TACR1: variants seen among roughly 807,000 people sequenced by gnomAD.
TACR1 encodes tachykinin receptor 1.
Under a neutral mutation model 35.8 loss-of-function variants are expected in TACR1, and 25 were observed. That is an observed-to-expected ratio of 0.70 (90% CI 0.51 to 0.98). The LOEUF (loss-of-function observed/expected upper bound fraction) is 0.98. Among genes scored for constraint, TACR1 ranks in the 50% least tolerant of loss-of-function variants. The pLI is 0.00. For missense variants in TACR1, 478 were observed against 522.9 expected, an observed-to-expected ratio of 0.91 and a Z score of 0.84; for synonymous variants, 195 against 206.7, an observed-to-expected ratio of 0.94 and a Z score of 0.48.
intron 2 of TACR1, among the ~76,000 whole-genome samples, chr2:75,055,368 T>A (rs895448195): frequency 4.1e-4 from 63 of 152,374 alleles, no homozygotes; most frequent in African/African-American, 1.5e-3. Flanking sequence ...GACAGGCTGC[T>A]CCAGTCTCAC....
At chr2:75,095,784 T>C (rs994377233) in intron 2 of TACR1, among the ~76,000 whole-genome samples, 14 of 152,070 alleles carry the variant, frequency 9.2e-5, no homozygotes, top group African/African-American at 3.1e-4. Flanking sequence ...TCACTTCCAG[T>C]CAAGTCCCCT....
intron 1 of TACR1, among the ~76,000 whole-genome samples, chr2:75,181,954 G>A (rs1675570027): frequency 2.0e-5 from 3 of 152,234 alleles, no homozygotes; most frequent in South Asian, 2.1e-4. Flanking sequence ...AAGAACTAGC[G>A]GTTTCATTGC....
intron 2 of TACR1, among the ~76,000 whole-genome samples, chr2:75,061,669 G>A (rs767011890): frequency 1.3e-5 from 2 of 152,140 alleles, no homozygotes; most frequent in African/African-American, 2.4e-5. Flanking sequence ...TCCCAGAGTC[G>A]CCCTGTATCG....
chr2:75,098,971 G>A (rs1673478531), intron 2 of TACR1, among the ~76,000 whole-genome samples: 1 of 151,310 alleles, frequency 6.6e-6, no homozygotes, highest in African/African-American at 2.4e-5. Flanking sequence ...AGCAGGTGGA[G>A]TGAGGGTTCT....
chr2:75,134,028 T>A (rs1674229430), intron 1 of TACR1, among the ~76,000 whole-genome samples: 1 of 152,184 alleles, frequency 6.6e-6, no homozygotes, highest in Non-Finnish European at 1.5e-5. Context: ...TATGACAGTT[T>A]ACAAATGCCA....
At chr2:75,049,918 GA>G (rs561853770) in intron 4 of TACR1, among the ~76,000 whole-genome samples, 195 bp from the exon 5 acceptor site, 7 of 150,442 alleles carry the variant, frequency 4.7e-5, no homozygotes, top group Middle Eastern at 3.4e-3. Context: ...TCCAAGACTA[GA>G]AAAAAAAAAT....
chr2:75,143,973 G>C (rs763399141), intron 1 of TACR1, among the ~76,000 whole-genome samples: 15 of 152,256 alleles, frequency 9.9e-5, no homozygotes, highest in Middle Eastern at 3.4e-3. Flanking sequence ...TTCTAATGCT[G>C]GTACATAGAA....
At chr2:75,154,479 AC>A (rs1674779948) in intron 1 of TACR1, 1 of 50,846 alleles carries the variant, frequency 2.0e-5, no homozygotes, top group East Asian at 5.0e-4. Context: ...GAGATTCAGC[AC>A]TAACCCACCA....
chr2:75,051,416 G>A lies in TACR1; in HGVS notation c.767C>T (p.Thr256Ile), dbSNP rs1260610193. 1 of 1,614,116 alleles carries A rather than the reference G, an allele frequency of 6.2e-7. No individual in the cohort carries two copies. Among genetic ancestry groups the A allele is most frequent in the South Asian group, 1.1e-5 (1 of 91,074 alleles). Residue 256 changes from threonine to isoleucine, a missense_variant, in exon 4 of 5, where the codon ACC becomes ATC. Coordinates refer to ENST00000305249, the MANE Select transcript of TACR1 (RefSeq NM_001058.4). Reference protein sequence around the residue: ...VVKMMIVVVCTFAICWLPFHI... With the variant: ...VVKMMIVVVCIFAICWLPFHI... The stretch of plus-strand genomic sequence containing the variant: ...GAAGGGCAGCCAGCAGATGGCGAAG[G>A]TGCACACCACGACAATCATCATTTT...
At position 75,049,332 on chromosome 2, in the gene TACR1, G is replaced by T; in HGVS notation, c.*100C>A. ...ACTGACCCTTTTTGCAAGTCCCAGT[G>T]TGAGGGTGTTTCTGATGGTTCCAGA... On this transcript the variant is annotated 3_prime_UTR_variant, in exon 5 of 5. Transcript: ENST00000305249. The T allele has an allele frequency of 1.5e-6, 2 of 1,343,324 alleles. No homozygotes were observed. The highest frequency in any genetic ancestry group is 2.1e-5 in the Admixed American group (1 of 46,692). 83.2% of individuals were successfully genotyped at this position (1,343,324 alleles called of 1,614,324 possible).
chr2:75,198,344 A>G (rs1676043325), intron 1 of TACR1, among the ~76,000 whole-genome samples: 1 of 152,174 alleles, frequency 6.6e-6, no homozygotes, highest in Non-Finnish European at 1.5e-5. Flanking sequence ...GAAGAGAGAG[A>G]GTGATGGGTA....
At chr2:75,100,684 T>C (rs1051341165) in intron 2 of TACR1, among the ~76,000 whole-genome samples, 3 of 152,206 alleles carry the variant, frequency 2.0e-5, no homozygotes, top group African/African-American at 7.2e-5. Flanking sequence ...GTTTTATCTA[T>C]AGCATAGTAC....
chr2:75,051,086 G>T, intron 4 of TACR1, 165 bp downstream of exon 4: 1 of 825,524 alleles, frequency 1.2e-6, no homozygotes, highest in Non-Finnish European at 1.9e-6. Flanking sequence ...ATTCCTGGAT[G>T]GTGATAATCA....
intron 1 of TACR1, among the ~76,000 whole-genome samples, chr2:75,178,270 T>C (rs919504923): frequency 1.3e-5 from 2 of 151,878 alleles, no homozygotes; most frequent in African/African-American, 4.8e-5. Context: ...CTGCAACCTC[T>C]GCCTCCTGGG....
intron 1 of TACR1, among the ~76,000 whole-genome samples, chr2:75,170,476 GTA>G (rs1378946989): frequency 2.0e-5 from 3 of 152,184 alleles, no homozygotes; most frequent in Non-Finnish European, 4.4e-5. Flanking sequence ...ATTGGTACTG[GTA>G]GAGTGGGGTG....
In TACR1 at chr2:75,134,387, G is replaced by T. The variant is rs72918600; in HGVS notation, c.390-13619C>A. ...ACCCCCTTTCTATATGTCAGAGAAGGGCTCAGTATATTCATGTTCTGAAGG... is the reference window on the plus strand; with the variant it reads ...ACCCCCTTTCTATATGTCAGAGAAGTGCTCAGTATATTCATGTTCTGAAGG... On this transcript the variant is annotated intron_variant, in intron 1 of 4. Coordinates refer to ENST00000305249, the MANE Select transcript of TACR1 (RefSeq NM_001058.4). Among the ~76,000 whole-genome samples the T allele has an allele frequency of 6.0e-3, 908 of 152,258 alleles. 10 individuals are homozygous for T. The highest frequency in any genetic ancestry group is 0.021 in the African/African-American group (869 of 41,542).
intron 1 of TACR1, among the ~76,000 whole-genome samples, chr2:75,158,019 A>T (rs1674906213): frequency 6.6e-6 from 1 of 152,256 alleles, no homozygotes; most frequent in Non-Finnish European, 1.5e-5. Context: ...CTCATAGGTT[A>T]GGTCTAAACC....
chr2:75,082,124 A>G (rs1228649825), intron 2 of TACR1, among the ~76,000 whole-genome samples: 2 of 151,872 alleles, frequency 1.3e-5, no homozygotes, highest in African/African-American at 4.8e-5. Context: ...CCTGTGTCCA[A>G]GTGTTCTCAT....
At chr2:75,133,166 C>T (rs1674211034) in intron 1 of TACR1, among the ~76,000 whole-genome samples, 3 of 152,148 alleles carry the variant, frequency 2.0e-5, no homozygotes, top group Admixed American at 1.3e-4. Flanking sequence ...GAATTCCTGC[C>T]ATTATTTAAA....
Sources: allele counts gnomAD v4.1 joint callset (sites outside exome capture counted in the v4.1 genomes callset), GRCh38; gene constraint gnomAD v4.1.1; transcripts MANE v1.5; gene names NCBI Gene and HGNC (gene_info 2026-07-23, HGNC 2026-07-21).